Variants in TMEM232 observed in about 807,000 individuals in gnomAD.
TMEM232 encodes transmembrane protein 232.
TMEM232 carries 80 observed loss-of-function variants against 78.8 expected under a neutral mutation model. That is an observed-to-expected ratio of 1.01 (90% CI 0.85 to 1.22). The LOEUF is 1.22. Ranked by LOEUF, TMEM232 falls within the 50% of genes most tolerant of loss-of-function variation. The probability of loss-of-function intolerance (pLI) is 0.00; values close to 1 mark genes in which losing one functional copy is unlikely to be tolerated. For synonymous variants in TMEM232, 297 were observed against 254.3 expected (o/e 1.17, Z -1.60); for missense variants, 881 against 742.2 (o/e 1.19, Z -2.17).
chr5:110,449,755 C>G (rs904264838), intron 12 of TMEM232, among the ~76,000 whole-genome samples: 1 of 152,130 alleles, frequency 6.6e-6, no homozygotes, highest in South Asian at 2.1e-4. Context: ...GATTGTGGAG[C>G]TACAAAGCAG....
chr5:110,399,204 G>A (rs558970923), intron 2 of TMEM232, among the ~76,000 whole-genome samples: 53 of 152,126 alleles, frequency 3.5e-4, no homozygotes, highest in African/African-American at 1.2e-3. Context: ...TTGACAGTTG[G>A]TTTTCTTCTG....
intron 12 of TMEM232, among the ~76,000 whole-genome samples, chr5:110,448,429 G>C (rs903929960): frequency 2.0e-5 from 3 of 151,960 alleles, no homozygotes; most frequent in Non-Finnish European, 4.4e-5. Context: ...CTGTTATGTC[G>C]TTCTAGAAAC....
chr5:110,675,751 T>C (rs1296725371), intron 1 of TMEM232, among the ~76,000 whole-genome samples: 1 of 152,210 alleles, frequency 6.6e-6, no homozygotes, highest in Non-Finnish European at 1.5e-5. Context: ...GGCTAATTAA[T>C]ATCTCCATTA....
At chr5:110,685,117 T>C (rs1793232857) in intron 1 of TMEM232, among the ~76,000 whole-genome samples, 1 of 152,094 alleles carries the variant, frequency 6.6e-6, no homozygotes, top group South Asian at 2.1e-4. Flanking sequence ...CTAGGTCACC[T>C]ACGGCTCAAA....
At chr5:110,698,077 C>T (rs532102308) in intron 1 of TMEM232, among the ~76,000 whole-genome samples, 1 of 152,220 alleles carries the variant, frequency 6.6e-6, no homozygotes, top group African/African-American at 2.4e-5. Flanking sequence ...GAAAATGTGG[C>T]ACATATATAC....
intron 2 of TMEM232, among the ~76,000 whole-genome samples, chr5:110,658,799 C>A (rs1474442917): frequency 6.6e-6 from 1 of 152,096 alleles, no homozygotes; most frequent in Non-Finnish European, 1.5e-5. Context: ...GGACAAATTG[C>A]CTGCATTCTT....
chr5:110,447,668 T>TTATAA (rs1759815306), intron 12 of TMEM232, among the ~76,000 whole-genome samples: 1 of 151,874 alleles, frequency 6.6e-6, no homozygotes, highest in African/African-American at 2.4e-5. Context: ...AGGATATATG[T>TTATAA]TATAATATTT....
intron 3 of TMEM232, among the ~76,000 whole-genome samples, chr5:110,392,904 C>G (rs888594879): frequency 3.3e-5 from 5 of 152,158 alleles, no homozygotes; most frequent in African/African-American, 1.2e-4. Context: ...CACAATATCT[C>G]ATTTTCTTTC....
rs142018855 is a variant in TMEM232, at chr5:110,527,480, G to T, written c.1703+1108C>A. On this transcript the variant is annotated intron_variant, in intron 12 of 13. Coordinates refer to ENST00000455884, the MANE Select transcript of TMEM232 (RefSeq NM_001039763.4). The stretch of plus-strand genomic sequence containing the variant: ...GGAATTGAATAAAATTTACAGTTAA[G>T]TTTAAATTTACAGATGCATTTTCAG... 1.5e-4 allele frequency among the ~76,000 whole-genome samples: 23 copies of T among 152,008 alleles called. No individual in the cohort carries two copies. In the East Asian group the frequency reaches 4.4e-3, roughly 29 times the overall value.
chr5:110,463,623 C>T (rs977573918), intron 12 of TMEM232, among the ~76,000 whole-genome samples: 5 of 152,074 alleles, frequency 3.3e-5, no homozygotes, highest in African/African-American at 1.2e-4. Context: ...AAAACCATTC[C>T]ACCTGATTTT....
chr5:110,397,215 T>C (rs1472912016), intron 3 of TMEM232, among the ~76,000 whole-genome samples: 1 of 152,164 alleles, frequency 6.6e-6, no homozygotes, highest in Non-Finnish European at 1.5e-5. Context: ...TCAACTTGAT[T>C]AAACTCTTAG....
chr5:110,615,946 A>G (rs1782872174), intron 8 of TMEM232, among the ~76,000 whole-genome samples: 1 of 152,072 alleles, frequency 6.6e-6, no homozygotes, highest in South Asian at 2.1e-4. Flanking sequence ...GTGGGAAGAT[A>G]TTCCATGTTC....
At chr5:110,663,399 TA>T (rs1378368384) in intron 2 of TMEM232, among the ~76,000 whole-genome samples, 1 of 151,978 alleles carries the variant, frequency 6.6e-6, no homozygotes, top group Non-Finnish European at 1.5e-5. Flanking sequence ...CACATGGAAG[TA>T]ATTCTAACAG....
At chr5:110,460,640 T>G (rs898704693) in intron 12 of TMEM232, among the ~76,000 whole-genome samples, 2 of 151,980 alleles carry the variant, frequency 1.3e-5, no homozygotes, top group Non-Finnish European at 2.9e-5. Context: ...CGTGCTTTGC[T>G]TTATTGAATT....
At chr5:110,734,590 G>C (rs953914871) in intron 2 of TMEM232, among the ~76,000 whole-genome samples, 2 of 152,136 alleles carry the variant, frequency 1.3e-5, no homozygotes, top group African/African-American at 4.8e-5. Flanking sequence ...CTATCAAGTA[G>C]AAAAAGAATA....
At chr5:110,563,200 T>G (rs1165203620) in intron 11 of TMEM232, among the ~76,000 whole-genome samples, 1 of 151,980 alleles carries the variant, frequency 6.6e-6, no homozygotes, top group African/African-American at 2.4e-5. Flanking sequence ...GTTTGTTTAT[T>G]CGTTAATTCT....
Position 110,606,268 on chromosome 5 carries a change from A to G in TMEM232, c.922T>C (p.Leu308=). The change falls in exon 9 of 14, where the codon TTA becomes CTA. Residue 308 remains leucine (L), a synonymous_variant. Transcript: ENST00000455884. ...TTGGCAGCCTCCCCAAGGACCAGTA[A>G]AGCCAGTACTGAATCCAACCTGAAA... ...KKCWLDSVLA[L]LVLGEAAKLN... is the part of the protein sequence containing the mutation. 1 of 1,537,478 alleles carries G rather than the reference A, an allele frequency of 6.5e-7. No individual in the cohort carries two copies. The highest frequency in any genetic ancestry group is 8.8e-7 in the Non-Finnish European group (1 of 1,137,554).
chr5:110,404,515 G>T (rs1013004534), intron 2 of TMEM232, among the ~76,000 whole-genome samples: 1 of 152,024 alleles, frequency 6.6e-6, no homozygotes, highest in African/African-American at 2.4e-5. Flanking sequence ...CTAGATATGT[G>T]AGCCCTAAAG....
intron 11 of TMEM232, among the ~76,000 whole-genome samples, chr5:110,537,476 T>G (rs996700570): frequency 6.6e-6 from 1 of 151,778 alleles, no homozygotes; most frequent in African/African-American, 2.4e-5. Flanking sequence ...AACCTAACAA[T>G]CTGCAAAACT....
Sources: gnomAD v4.1 joint callset for allele counts (sites outside exome capture counted in the v4.1 genomes callset) on GRCh38, gnomAD v4.1.1 for gene constraint, MANE v1.5 for transcripts, NCBI Gene and HGNC (gene_info 2026-07-23, HGNC 2026-07-21) for gene names.